The following SGCZ variants were observed in gnomAD, a reference collection of about 807,000 sequenced individuals.
The protein encoded by SGCZ is sarcoglycan zeta.
Under a neutral mutation model 41.3 loss-of-function variants are expected in SGCZ, and 40 were observed. That is an observed-to-expected ratio of 0.97 (90% CI 0.75 to 1.26). The LOEUF is 1.26. Among genes scored for constraint, SGCZ ranks in the 50% most tolerant of loss-of-function variants. The pLI is 0.00. For synonymous variants in SGCZ, 206 were observed against 137.5 expected, an observed-to-expected ratio of 1.50 and a Z score of -3.49; for missense variants, 552 against 369.8, an observed-to-expected ratio of 1.49 and a Z score of -4.04.
chr8:15,216,827 G>A lies in SGCZ; in HGVS notation c.39+20758C>T, dbSNP rs537313393. Among the ~76,000 whole-genome samples, 6 of 152,090 alleles carry A rather than the reference G, an allele frequency of 3.9e-5. No homozygotes were observed. In the East Asian group the frequency reaches 7.8e-4, roughly 20 times the overall value. ...AGAATAAAACAGACTAGAATTAGGA[G>A]AGAATAAAACTCTTCACTTCTTGAG... On this transcript the variant is annotated intron_variant, in intron 1 of 7. Coordinates refer to ENST00000382080, the MANE Select transcript of SGCZ (RefSeq NM_139167.4).
At chr8:14,426,997 G>T (rs1227169769) in intron 2 of SGCZ, among the ~76,000 whole-genome samples, 2 of 150,468 alleles carry the variant, frequency 1.3e-5, no homozygotes. Context: ...TGGAAGTCCT[G>T]GCTCAGTAGC....
chr8:14,891,330 G>T (rs1805010601), intron 1 of SGCZ, among the ~76,000 whole-genome samples: 1 of 152,206 alleles, frequency 6.6e-6, no homozygotes. Flanking sequence ...AACATTAACA[G>T]AAGTTTGAAA....
intron 5 of SGCZ, among the ~76,000 whole-genome samples, chr8:14,142,736 A>G (rs4377964): frequency 1 from 152,186 of 152,226 alleles, 76,073 homozygotes; most frequent in Non-Finnish European, 1. Flanking sequence ...GAGGCCATGG[A>G]GGTGGCTTCT....
At chr8:14,309,360 T>A in intron 3 of SGCZ, 1 of 1,604,454 alleles carries the variant, frequency 6.2e-7, no homozygotes, top group South Asian at 1.1e-5. Context: ...GGACGATGGC[T>A]AATTACATTG....
chr8:14,138,118 A>G (rs1482144864), intron 5 of SGCZ, among the ~76,000 whole-genome samples: 2 of 152,176 alleles, frequency 1.3e-5, no homozygotes, highest in Non-Finnish European at 2.9e-5. Flanking sequence ...TCCTTTACAG[A>G]CAAGCAAATG....
intron 1 of SGCZ, among the ~76,000 whole-genome samples, chr8:15,056,333 T>C (rs554033749): frequency 2.6e-5 from 4 of 152,214 alleles, no homozygotes; most frequent in Non-Finnish European, 5.9e-5. Flanking sequence ...TTCTGTTCTA[T>C]TGTGAATGTT....
chr8:14,247,688 G>T (rs1188835893), intron 3 of SGCZ, among the ~76,000 whole-genome samples: 2 of 152,124 alleles, frequency 1.3e-5, no homozygotes, highest in African/African-American at 4.8e-5. Context: ...TCTATGTTGG[G>T]TTGCCACTTT....
intron 1 of SGCZ, among the ~76,000 whole-genome samples, chr8:15,177,420 A>G (rs552265910): frequency 6.6e-6 from 1 of 152,340 alleles, no homozygotes; most frequent in East Asian, 1.9e-4. Flanking sequence ...ATGGCCAAGT[A>G]TTCAGCAATT....
At chr8:15,204,428 T>G (rs1360993940) in intron 1 of SGCZ, among the ~76,000 whole-genome samples, 1 of 152,212 alleles carries the variant, frequency 6.6e-6, no homozygotes, top group Non-Finnish European at 1.5e-5. Flanking sequence ...TGTAATTGCA[T>G]TATTTTTATC....
chr8:14,593,815 T>G (rs1318082444), intron 1 of SGCZ, among the ~76,000 whole-genome samples: 3 of 152,134 alleles, frequency 2.0e-5, no homozygotes, highest in Non-Finnish European at 4.4e-5. Flanking sequence ...AAAGGGTACT[T>G]ATTTGAGAAG....
intron 1 of SGCZ, among the ~76,000 whole-genome samples, chr8:14,946,212 A>G (rs934664147): frequency 6.6e-6 from 1 of 150,732 alleles, no homozygotes; most frequent in Non-Finnish European, 1.5e-5. Flanking sequence ...ATGCAGAACC[A>G]TGAAGCCTCC....
At chr8:14,371,349 C>A (rs115954265) in intron 2 of SGCZ, among the ~76,000 whole-genome samples, 2,987 of 152,054 alleles carry the variant, frequency 0.02, 78 homozygotes, top group African/African-American at 0.055. Flanking sequence ...TAAATGACAA[C>A]ATTTTCTGGT....
intron 1 of SGCZ, among the ~76,000 whole-genome samples, chr8:14,564,279 G>T (rs1415280354): frequency 1.3e-5 from 2 of 151,538 alleles, no homozygotes; most frequent in African/African-American, 4.9e-5. Context: ...CAGGAGAAGT[G>T]GTAAATCATG....
chr8:14,435,517 T>A (rs1459264187), intron 2 of SGCZ, among the ~76,000 whole-genome samples: 1 of 152,188 alleles, frequency 6.6e-6, no homozygotes, highest in African/African-American at 2.4e-5. Flanking sequence ...CATATACTTA[T>A]GTTAAAGTGA....
chr8:14,684,317 T>C (rs947213402), intron 1 of SGCZ, among the ~76,000 whole-genome samples: 2 of 152,192 alleles, frequency 1.3e-5, no homozygotes, highest in Non-Finnish European at 2.9e-5. Flanking sequence ...AATCAAGTTC[T>C]TTAGGGAAAG....
At chr8:15,008,022 ATTG>A (rs1392084462) in intron 1 of SGCZ, among the ~76,000 whole-genome samples, 3 of 152,266 alleles carry the variant, frequency 2.0e-5, no homozygotes, top group Non-Finnish European at 4.4e-5. Context: ...AACTTGATAA[ATTG>A]TTGTCTTTTT....
chr8:15,120,325 A>C (rs1187541282), intron 1 of SGCZ, among the ~76,000 whole-genome samples: 1 of 152,244 alleles, frequency 6.6e-6, no homozygotes, highest in Non-Finnish European at 1.5e-5. Context: ...TCTTTATTTC[A>C]TAAAACTATT....
At chr8:14,272,427 A>C (rs1299119761) in intron 3 of SGCZ, among the ~76,000 whole-genome samples, 1 of 152,232 alleles carries the variant, frequency 6.6e-6, no homozygotes. Context: ...TTCTGGTAAA[A>C]GTGTGGCTGG....
chr8:14,189,658 G>C (rs370732754), intron 4 of SGCZ, among the ~76,000 whole-genome samples: 15 of 152,194 alleles, frequency 9.9e-5, no homozygotes, highest in African/African-American at 3.4e-4. Flanking sequence ...CCTCTCTAGA[G>C]AAACTTGCTA....
Sources: gnomAD v4.1 joint callset for allele counts (sites outside exome capture counted in the v4.1 genomes callset) on GRCh38, gnomAD v4.1.1 for gene constraint, MANE v1.5 for transcripts, NCBI Gene and HGNC (gene_info 2026-07-23, HGNC 2026-07-21) for gene names.